Variants in NDUFAF6 observed in about 807,000 individuals in gnomAD.
NDUFAF6 encodes the protein NADH dehydrogenase (ubiquinone) complex I, assembly factor 6.
In NDUFAF6, 45 loss-of-function variants were observed where a neutral mutation model predicts 40.8. That is an observed-to-expected ratio of 1.10 (90% CI 0.87 to 1.42). The LOEUF (loss-of-function observed/expected upper bound fraction) is 1.42. Ranked by LOEUF, NDUFAF6 falls within the 40% of genes most tolerant of loss-of-function variation. The pLI, the probability that NDUFAF6 is intolerant of heterozygous loss-of-function variation, is 0.00. For synonymous variants in NDUFAF6, 185 were observed against 155.9 expected, an observed-to-expected ratio of 1.19 and a Z score of -1.39; for missense variants, 435 against 418.5, an observed-to-expected ratio of 1.04 and a Z score of -0.34.
intron 1 of NDUFAF6, among the ~76,000 whole-genome samples, chr8:94,923,673 G>A (rs572121538): frequency 6.6e-6 from 1 of 150,802 alleles, no homozygotes; most frequent in South Asian, 2.1e-4. Context: ...TAGATACTCT[G>A]AATTTTACTT....
chr8:95,048,046 T>A (rs367794634), intron 6 of NDUFAF6, among the ~76,000 whole-genome samples: 3 of 151,918 alleles, frequency 2.0e-5, no homozygotes, highest in African/African-American at 7.3e-5. Context: ...ATACAAAAAT[T>A]AGCTGGGTGT....
intron 4 of NDUFAF6, among the ~76,000 whole-genome samples, chr8:95,111,822 T>C (rs1810005991): frequency 6.6e-6 from 1 of 152,202 alleles, no homozygotes; most frequent in Non-Finnish European, 1.5e-5. Flanking sequence ...AAAAACATAT[T>C]ATTTACCATT....
At chr8:95,012,770 G>A (rs1290494393) in intron 2 of NDUFAF6, among the ~76,000 whole-genome samples, 1 of 152,136 alleles carries the variant, frequency 6.6e-6, no homozygotes, top group Non-Finnish European at 1.5e-5. Flanking sequence ...GCTGCAATAA[G>A]TTATGATCGC....
intron 1 of NDUFAF6, among the ~76,000 whole-genome samples, chr8:95,029,351 TA>T (rs1828555063): frequency 8.6e-6 from 1 of 116,278 alleles, no homozygotes; most frequent in Non-Finnish European, 1.8e-5. Context: ...AGAGCCAATA[TA>T]CTCTTTAGCA....
chr8:94,931,562 CACTTG>C (rs1421124531), intron 1 of NDUFAF6, among the ~76,000 whole-genome samples: 1 of 147,518 alleles, frequency 6.8e-6, no homozygotes, highest in African/African-American at 2.5e-5. Flanking sequence ...TGCCTAAAAT[CACTTG>C]AGGAAACACA....
rs748061387 is a variant in NDUFAF6 at position 94,939,702 on chromosome 8, A to G, written c.-935-5781A>G. The G allele has an allele frequency of 1.4e-5, 15 of 1,089,978 alleles. No individual in the cohort carries two copies. In the Admixed American group the frequency reaches 3.0e-4, roughly 22 times the overall value. 67.5% of individuals were successfully genotyped at this position (1,089,978 alleles called of 1,614,324 possible). On this transcript the variant is annotated intron_variant, in intron 1 of 14. Transcript: ENST00000396113. ...TGTGAGACACTGTGACTGGTCAACA[A>G]GTTATCTTACGGACCATCTTGTGTA...
chr8:95,027,674 TA>T (rs1828330231), intron 1 of NDUFAF6, among the ~76,000 whole-genome samples: 1 of 151,906 alleles, frequency 6.6e-6, no homozygotes, highest in Non-Finnish European at 1.5e-5. Context: ...AATGTGATGA[TA>T]TAGTAAAAAA....
At chr8:95,088,711 GTGTGTGTGTGTGTGTGTTTTCTTTT>G (rs1342811882) in intron 2 of NDUFAF6, among the ~76,000 whole-genome samples, 5 of 100,896 alleles carry the variant, frequency 5.0e-5, no homozygotes, top group Admixed American at 1.1e-4. Context: ...GTGTGTGTGT[GTGTGTGTGTGTGTGTGTTTTCTTTT>G]TGTTTTCTTG....
At chr8:94,919,790 C>T (rs1396818802) in intron 1 of NDUFAF6, among the ~76,000 whole-genome samples, 6 of 152,218 alleles carry the variant, frequency 3.9e-5, no homozygotes, top group Non-Finnish European at 7.3e-5. Flanking sequence ...ACCTGAAAGT[C>T]AGGAATTCCA....
At chr8:95,033,909 T>C (rs934595568) in intron 2 of NDUFAF6, 8 of 440,362 alleles carry the variant, frequency 1.8e-5, no homozygotes, top group African/African-American at 1.6e-4. Flanking sequence ...AAAGGTAAGG[T>C]CTTGGAGACA....
At chr8:95,053,867 T>G (rs1443600878) in intron 8 of NDUFAF6, among the ~76,000 whole-genome samples, 1 of 150,878 alleles carries the variant, frequency 6.6e-6, no homozygotes, top group African/African-American at 2.4e-5. Flanking sequence ...CCTCAAGTGA[T>G]CTGCCTGCCT....
chr8:95,006,753 G>C (rs901207627), intron 2 of NDUFAF6, among the ~76,000 whole-genome samples: 1 of 151,920 alleles, frequency 6.6e-6, no homozygotes, highest in African/African-American at 2.4e-5. Flanking sequence ...AGTGGTGCAC[G>C]CCTGCATTCC....
At chr8:95,063,157 A>G (rs1832612339), downstream of NDUFAF6, among the ~76,000 whole-genome samples, 1 of 152,252 alleles carries the variant, frequency 6.6e-6, no homozygotes, top group Non-Finnish European at 1.5e-5. Flanking sequence ...GGTCCATAAC[A>G]CATGTATTTT....
At chr8:94,925,389 G>T (rs1411029011) in intron 1 of NDUFAF6, among the ~76,000 whole-genome samples, 1 of 152,148 alleles carries the variant, frequency 6.6e-6, no homozygotes, top group African/African-American at 2.4e-5. Flanking sequence ...TTTGGGAGAA[G>T]ATCCATTGGG....
intron 1 of NDUFAF6, among the ~76,000 whole-genome samples, chr8:95,026,471 A>C (rs1321543502): frequency 1.3e-5 from 2 of 152,202 alleles, no homozygotes; most frequent in Non-Finnish European, 2.9e-5. Context: ...CAACAAAAAC[A>C]AAAATTATTT....
chr8:94,993,438 C>T (rs1175121223), intron 2 of NDUFAF6, among the ~76,000 whole-genome samples: 1 of 152,220 alleles, frequency 6.6e-6, no homozygotes, highest in African/African-American at 2.4e-5. Flanking sequence ...GCTAGGCTGG[C>T]CTTGTGACTT....
upstream of NDUFAF6, among the ~76,000 whole-genome samples, chr8:95,098,456 A>C (rs2132073462): frequency 6.6e-6 from 1 of 152,294 alleles, no homozygotes; most frequent in Admixed American, 6.5e-5. Flanking sequence ...TCACAAGGTC[A>C]GGAGTTCAAG....
upstream of NDUFAF6, among the ~76,000 whole-genome samples, chr8:95,100,133 A>G (rs1005124439): frequency 1.3e-5 from 2 of 152,102 alleles, no homozygotes; most frequent in Non-Finnish European, 2.9e-5. Flanking sequence ...CTCCCCTCTT[A>G]ATCATTTCCT....
intron 1 of NDUFAF6, among the ~76,000 whole-genome samples, chr8:94,980,442 GTTTTTTTTTTTTTT>G (rs869184585): frequency 9.3e-6 from 1 of 107,902 alleles, no homozygotes; most frequent in Non-Finnish European, 1.9e-5. Flanking sequence ...TGGTTTTTTT[GTTTTTTTTTTTTTT>G]TTTTTTGAGA....
Sources: gnomAD v4.1 joint callset for allele counts (sites outside exome capture counted in the v4.1 genomes callset) on GRCh38, gnomAD v4.1.1 for gene constraint, MANE v1.5 for transcripts, NCBI Gene and HGNC (gene_info 2026-07-23, HGNC 2026-07-21) for gene names.